The following WWP2 variants were observed in gnomAD, a reference collection of about 807,000 sequenced individuals.
WWP2 encodes NEDD4-like E3 ubiquitin-protein ligase WWP2.
A neutral mutation model predicts 121.0 loss-of-function variants in WWP2; 57 were observed. The ratio of observed to expected loss-of-function variants is 0.47; its 90% CI spans 0.38 to 0.59. The LOEUF (loss-of-function observed/expected upper bound fraction) is 0.59, where lower values mean the gene tolerates loss of function less well. Ranked by LOEUF, WWP2 falls within the 20% of genes least tolerant of loss-of-function variation. The pLI is 0.00. For synonymous variants in WWP2, 449 were observed against 441.3 expected (o/e 1.02, Z -0.22); for missense variants, 962 against 1,158.9 (o/e 0.83, Z 2.47).
chr16:69,937,143 C>G lies in WWP2; in HGVS notation c.2143C>G (p.Arg715Gly). ...IMLLTDWRFT[R>G]GVEEQTKAFL... ...GCTGCTGACTGACTGGCGTTTCACC[C>G]GAGGCGTGGAAGAGCAGACCAAAGC... Residue 715 changes from arginine to glycine, a missense_variant, in exon 20 of 24, where the codon CGA becomes GGA. Around this residue, in one of 3 missense-constraint regions of WWP2, gnomAD observed 606 missense variants for 772.6 expected, o/e 0.78. Transcript: ENST00000359154. This position sits in a 1 kb window ranked among gnomAD's most constrained non-coding sequence, Gnocchi z 6.6. The G allele has an allele frequency of 6.2e-7, 1 of 1,613,894 alleles. No individual in the cohort carries two copies. The highest frequency in any genetic ancestry group is 8.5e-7 in the Non-Finnish European group (1 of 1,179,928).
rs751914087 is a variant in WWP2, at chr16:69,931,208, A to G, written c.1502A>G (p.Gln501Arg). The change falls in exon 14 of 24, where the codon CAG becomes CGG. Residue 501 changes from glutamine to arginine, a missense_variant. Around this residue, in one of 3 missense-constraint regions of WWP2, gnomAD observed 606 missense variants for 772.6 expected, o/e 0.78. Transcript: ENST00000359154. Reference sequence around the variant, plus strand: ...CGCAGTTTTCGGTGGAAGTATCACCAGTTCCGTTTCCTCTGCCATGTGAGT... The same window carrying G: ...CGCAGTTTTCGGTGGAAGTATCACCGGTTCCGTTTCCTCTGCCATGTGAGT... ...YDRSFRWKYHQFRFLCHSNAL... is the reference protein window; with the variant it reads ...YDRSFRWKYHRFRFLCHSNAL... The G allele has an allele frequency of 6.2e-7, 1 of 1,614,178 alleles. No homozygotes were observed. Among genetic ancestry groups the G allele is most frequent in the Non-Finnish European group, 8.5e-7 (1 of 1,180,030 alleles).
intron 22 of WWP2, 79 bp from the exon 23 acceptor site, chr16:69,939,262 T>A (rs2058844526): frequency 6.3e-7 from 1 of 1,593,586 alleles, no homozygotes; most frequent in African/African-American, 1.3e-5. Context: ...GCCGAGCCCA[T>A]CTGTGGGTGG....
At chr16:69,848,629 G>A (rs1157505721) in intron 6 of WWP2, among the ~76,000 whole-genome samples, 1 of 119,202 alleles carries the variant, frequency 8.4e-6, no homozygotes, top group Non-Finnish European at 1.6e-5. Flanking sequence ...AGAGCTAGAT[G>A]CTGTTGCTAA....
In WWP2 at chr16:69,940,334, T is replaced by G. The variant is rs1334761464; in HGVS notation, c.*394T>G. ...CTAGTTCGGCGAGGAGACTGGCCAC[T>G]GGGGGTGGCTGTTCGGGACTGAGAG... On this transcript the variant is annotated 3_prime_UTR_variant, in exon 24 of 24. Coordinates refer to ENST00000359154, the MANE Select transcript of WWP2 (RefSeq NM_001270454.2). 2 of 189,016 alleles carry G rather than the reference T, an allele frequency of 1.1e-5. No individual in the cohort carries two copies. The highest frequency in any genetic ancestry group is 2.2e-5 in the Non-Finnish European group (2 of 90,896). 11.7% of individuals were successfully genotyped at this position (189,016 alleles called of 1,614,324 possible). A position where few individuals can be genotyped will look rare whatever the true frequency, so the allele number is the denominator to read the frequency against.
intron 5 of WWP2, 102 bp from the exon 6 acceptor site, chr16:69,841,922 A>C (rs995945464): frequency 8.5e-7 from 1 of 1,177,782 alleles, no homozygotes; most frequent in Admixed American, 2.1e-5. Flanking sequence ...GTGGTGGGCA[A>C]CTCTAACACA....
At chr16:69,898,015 TTTTC>T (rs1180756419) in intron 8 of WWP2, among the ~76,000 whole-genome samples, 4 of 144,918 alleles carry the variant, frequency 2.8e-5, no homozygotes, top group Non-Finnish European at 5.9e-5. Flanking sequence ...TTTCTTTTTC[TTTTC>T]TTTCTTTCTT....
chr16:69,807,477 G>A lies in WWP2; in HGVS notation c.340+8182G>A, dbSNP rs144601943. On this transcript the variant is annotated intron_variant, in intron 4 of 23. Transcript: ENST00000359154. ...TACAAAGATTTAAAAAAATTAGCTA[G>A]GTGTGGTGGTGTGTGCCTCTGGTCC... is the stretch of plus-strand genomic sequence containing the variant. Among the ~76,000 whole-genome samples the A allele has an allele frequency of 5.9e-3, 896 of 152,024 alleles. 4 individuals are homozygous for A. Among genetic ancestry groups the A allele is most frequent in the Non-Finnish European group, 8.6e-3 (584 of 67,970 alleles).
chr16:69,860,840 TAAAA>T (rs11464525), intron 6 of WWP2, among the ~76,000 whole-genome samples: 3 of 145,004 alleles, frequency 2.1e-5, no homozygotes, highest in East Asian at 4.0e-4. Context: ...GATCTCTAGT[TAAAA>T]AAAAAAAAAG....
At chr16:69,783,807 A>G (rs1025852246) in intron 1 of WWP2, among the ~76,000 whole-genome samples, 4 of 151,748 alleles carry the variant, frequency 2.6e-5, no homozygotes, top group Admixed American at 6.6e-5. Flanking sequence ...CAACAACAAA[A>G]TATTAGAGTT....
chr16:69,896,884 T>G (rs556110940), intron 8 of WWP2, among the ~76,000 whole-genome samples: 85 of 152,262 alleles, frequency 5.6e-4, no homozygotes, highest in African/African-American at 1.9e-3. Flanking sequence ...GAGGAGAACT[T>G]AAGCAATTTG....
chr16:69,881,029 A>C (rs889061430), intron 7 of WWP2, among the ~76,000 whole-genome samples: 1 of 152,194 alleles, frequency 6.6e-6, no homozygotes, highest in Non-Finnish European at 1.5e-5. Flanking sequence ...GTCCTGAATG[A>C]ATATGTGATT....
intron 4 of WWP2, among the ~76,000 whole-genome samples, chr16:69,800,910 GGGT>G (rs2056150457): frequency 6.7e-6 from 1 of 150,246 alleles, no homozygotes; most frequent in South Asian, 2.1e-4. Flanking sequence ...TTATGGCCGG[GGGT>G]GGTAGCTCAC....
chr16:69,903,746 G>C (rs1408699576), intron 8 of WWP2, among the ~76,000 whole-genome samples: 1 of 145,542 alleles, frequency 6.9e-6, no homozygotes, highest in African/African-American at 2.6e-5. Context: ...CCAGCCTGGC[G>C]ACAGAGCAAG....
chr16:69,916,449 G>A lies in WWP2; in HGVS notation c.1005-1260G>A, dbSNP rs558439197. ...GAAGTTTTTGAGCAGGAGTGTGACC[G>A]AAGGGCTCAGTCTAGTGGGTTACTC... is the stretch of plus-strand genomic sequence containing the variant. On this transcript the variant is annotated intron_variant, in intron 9 of 23. Coordinates refer to ENST00000359154, the MANE Select transcript of WWP2 (RefSeq NM_001270454.2). 7.9e-4 allele frequency among the ~76,000 whole-genome samples: 121 copies of A among 152,264 alleles called. 2 individuals are homozygous for A. Among genetic ancestry groups the A allele is most frequent in the African/African-American group, 2.9e-3 (120 of 41,546 alleles).
chr16:69,775,800 G>A (rs1357125481), intron 1 of WWP2, among the ~76,000 whole-genome samples: 1 of 152,204 alleles, frequency 6.6e-6, no homozygotes, highest in Middle Eastern at 3.4e-3. Context: ...GTTTAAAAAA[G>A]AAAGCTGGAC....
intron 7 of WWP2, among the ~76,000 whole-genome samples, chr16:69,875,021 C>CAA (rs11449005): frequency 0.025 from 3,686 of 147,720 alleles, 88 homozygotes; most frequent in African/African-American, 0.05. Context: ...GACCTTGTGT[C>CAA]AAAAAAAAAA....
At position 69,917,668 on chromosome 16, in the gene WWP2, T is replaced by A. The variant is rs1158444163; in HGVS notation, c.1005-41T>A. 3.1e-6 allele frequency: 5 copies of A among 1,587,650 alleles called. No homozygotes were observed. In the East Asian group the frequency reaches 1.1e-4, roughly 36 times the overall value. The stretch of plus-strand genomic sequence containing the variant: ...CTTTTCTAGAATTGGGGGATGGGAG[T>A]GGGGTGGTCATTATATTCATTCTGA... On this transcript the variant is annotated intron_variant, in intron 9 of 23. Coordinates refer to ENST00000359154, the MANE Select transcript of WWP2 (RefSeq NM_001270454.2).
intron 7 of WWP2, among the ~76,000 whole-genome samples, chr16:69,874,680 T>C (rs145297269): frequency 6.6e-6 from 1 of 152,098 alleles, no homozygotes; most frequent in African/African-American, 2.4e-5. Flanking sequence ...TATGGGATGA[T>C]TTACTTGCTA....
At chr16:69,826,235 C>G (rs371565686) in intron 4 of WWP2, among the ~76,000 whole-genome samples, 131 of 137,758 alleles carry the variant, frequency 9.5e-4, no homozygotes, top group East Asian at 7.5e-3. Flanking sequence ...CCACTGCACT[C>G]CAGCCTGGGT....
Sources: gnomAD v4.1 joint callset for allele counts (sites outside exome capture counted in the v4.1 genomes callset) on GRCh38, gnomAD v4.1.1 for gene constraint, gnomAD v4.1.1 regional missense constraint, Gnocchi (gnomAD v3.1) non-coding constraint, MANE v1.5 for transcripts, NCBI Gene and HGNC (gene_info 2026-07-23, HGNC 2026-07-21) for gene names.